ENTPD5: variants seen among roughly 807,000 people sequenced by gnomAD.
The protein encoded by ENTPD5 is ectonucleoside triphosphate diphosphohydrolase 5 (inactive).
Under a neutral mutation model 60.2 loss-of-function variants are expected in ENTPD5, and 49 were observed. That is an observed-to-expected ratio of 0.81 (90% CI 0.65 to 1.03). The LOEUF (loss-of-function observed/expected upper bound fraction) is 1.03. ENTPD5 is among the 50% of genes least tolerant of loss of function. The probability of loss-of-function intolerance (pLI) is 0.00; values close to 1 mark genes in which losing one functional copy is unlikely to be tolerated. For synonymous variants in ENTPD5, 187 were observed against 185.4 expected, an observed-to-expected ratio of 1.01 and a Z score of -0.07; for missense variants, 480 against 507.6, an observed-to-expected ratio of 0.95 and a Z score of 0.52.
intron 3 of ENTPD5, among the ~76,000 whole-genome samples, chr14:73,992,942 G>A (rs1215260807): frequency 3.9e-5 from 6 of 152,144 alleles, no homozygotes; most frequent in Admixed American, 3.3e-4. Flanking sequence ...GGCGGAGGTT[G>A]CAGTGAGCTG....
At chr14:73,973,194 G>A (rs1220032863) in intron 12 of ENTPD5, among the ~76,000 whole-genome samples, 170 bp from the exon 13 acceptor site, 1 of 152,210 alleles carries the variant, frequency 6.6e-6, no homozygotes, top group Non-Finnish European at 1.5e-5. Flanking sequence ...GCAAACGTCT[G>A]CAGCCTCACC....
At chr14:74,003,440 C>T in intron 3 of ENTPD5, 2 of 1,342,978 alleles carry the variant, frequency 1.5e-6, no homozygotes, top group South Asian at 1.2e-5. Flanking sequence ...GTCTGAAGCA[C>T]AAAAGAAGAA....
intron 3 of ENTPD5, among the ~76,000 whole-genome samples, chr14:73,989,475 A>G (rs1018123858): frequency 3.3e-5 from 5 of 150,430 alleles, no homozygotes; most frequent in Non-Finnish European, 7.4e-5. Context: ...AGGCGGGCGG[A>G]TCACCTGAGG....
chr14:74,001,712 G>A (rs895440085), intron 3 of ENTPD5, among the ~76,000 whole-genome samples: 5 of 140,704 alleles, frequency 3.6e-5, no homozygotes, highest in African/African-American at 1.3e-4. Flanking sequence ...GCCAGGCATG[G>A]TGGTACACAC....
chr14:73,961,499 A>C, downstream of ENTPD5: 3 of 1,614,230 alleles, frequency 1.9e-6, no homozygotes, highest in Non-Finnish European at 2.5e-6. Context: ...CAGGGTGTCA[A>C]CATGGGCTTT....
chr14:74,008,049 G>A (rs1288903060), intron 3 of ENTPD5, among the ~76,000 whole-genome samples: 8 of 151,846 alleles, frequency 5.3e-5, no homozygotes, highest in African/African-American at 1.9e-4. Context: ...GGCCACACTG[G>A]TTTTGAACTC....
chr14:73,988,004 G>C lies in ENTPD5; in HGVS notation c.99C>G (p.Ile33Met). 1 of 1,614,174 alleles carries C rather than the reference G, an allele frequency of 6.2e-7. No homozygotes were observed. The highest frequency in any genetic ancestry group is 8.5e-7 in the Non-Finnish European group (1 of 1,180,042). ...HRNQQTWFEGIFLSSMCPINV... is the reference protein window; with the variant it reads ...HRNQQTWFEGMFLSSMCPINV... ...TGATGGGGCACATGGAAGACAGGAAGATACCCTCAAACCAAGTCTGCTGGT... is the reference window on the plus strand; with the variant it reads ...TGATGGGGCACATGGAAGACAGGAACATACCCTCAAACCAAGTCTGCTGGT... Residue 33 changes from isoleucine to methionine, a missense_variant, in exon 4 of 16, where the codon ATC becomes ATG. Physicochemically the swap from Ile to Met is conservative, Grantham distance 10. Transcript: ENST00000334696.
At chr14:73,976,444 C>G (rs56856120) in intron 8 of ENTPD5, 32 bp from the exon 9 acceptor site, 1 of 1,575,552 alleles carries the variant, frequency 6.3e-7, no homozygotes, top group Non-Finnish European at 8.7e-7. Flanking sequence ...TAAATAGCCT[C>G]GACATCCTGG....
chr14:73,996,600 G>T (rs2058350802), intron 3 of ENTPD5: 1 of 151,786 alleles, frequency 6.6e-6, no homozygotes, highest in African/African-American at 2.4e-5. Context: ...CACTGTGCTA[G>T]ATTCTTGATA....
chr14:74,010,364 G>A (rs1450966292), intron 3 of ENTPD5, among the ~76,000 whole-genome samples: 1 of 152,142 alleles, frequency 6.6e-6, no homozygotes, highest in Non-Finnish European at 1.5e-5. Flanking sequence ...AGACCAGCCT[G>A]ACCAACATGG....
intron 3 of ENTPD5, among the ~76,000 whole-genome samples, chr14:73,993,570 C>T (rs2058224044): frequency 1.3e-5 from 2 of 152,214 alleles, no homozygotes; most frequent in South Asian, 2.1e-4. Context: ...GCCAGGTTCA[C>T]ACTCTGGCTG....
At chr14:73,959,696 A>C (rs1322621145), downstream of ENTPD5, 31 of 1,292,046 alleles carry the variant, frequency 2.4e-5, no homozygotes, top group Non-Finnish European at 3.2e-5. Context: ...CAGCCTCCTA[A>C]GTAGCTGGGA....
chr14:74,000,702 C>T (rs1232601827), intron 3 of ENTPD5, among the ~76,000 whole-genome samples: 3 of 151,576 alleles, frequency 2.0e-5, no homozygotes, highest in Non-Finnish European at 2.9e-5. Flanking sequence ...TTGCTTGAAC[C>T]TGGGAGGCGA....
chr14:74,001,339 A>G (rs2058499360), intron 3 of ENTPD5, among the ~76,000 whole-genome samples: 1 of 152,024 alleles, frequency 6.6e-6, no homozygotes, highest in Non-Finnish European at 1.5e-5. Context: ...CGTCTCTACT[A>G]AAAATACAAA....
At chr14:73,969,927 C>T in intron 15 of ENTPD5, 83 bp downstream of exon 15, 2 of 965,392 alleles carry the variant, frequency 2.1e-6, no homozygotes, top group South Asian at 1.3e-5. Flanking sequence ...CTTCTAGCTA[C>T]TCTGATTACT....
In ENTPD5 at chr14:73,965,459, T is replaced by C. The variant is rs7156320; in HGVS notation, c.*1469A>G. 0.38 allele frequency: 57,415 copies of C among 152,098 alleles called. 12,668 individuals carry two copies. The highest frequency in any genetic ancestry group is 0.49 in the South Asian group (2,376 of 4,814). 9.4% of individuals were successfully genotyped at this position (152,098 alleles called of 1,614,324 possible). On this transcript the variant is annotated 3_prime_UTR_variant, in exon 16 of 16. Coordinates refer to ENST00000334696, the MANE Select transcript of ENTPD5 (RefSeq NM_001249.5). ...AAGTGCAAGATAAGGCCAGGCGCGG[T>C]GTCTCATGCCTGTAATCCCAGCACT...
chr14:73,974,365 A>G (rs2057350594), intron 11 of ENTPD5, among the ~76,000 whole-genome samples: 1 of 152,204 alleles, frequency 6.6e-6, no homozygotes, highest in Non-Finnish European at 1.5e-5. Context: ...ATACTTGAAG[A>G]TGTTTTGTAT....
chr14:73,983,100 C>T lies in ENTPD5; in HGVS notation c.359G>A (p.Trp120Ter). The stretch of plus-strand genomic sequence containing the variant: ...CTTTAGGACCACTGGGGTCTTTTTC[C>T]AGTGACTTCGGGGGATTGAGTCTTT... ...VAKDSIPRSH[W>*]KKTPVVLKAT... is the part of the protein sequence containing the mutation. Residue 120 changes from tryptophan (W) to a stop codon, truncating the protein, a stop_gained, in exon 6 of 16, where the codon TGG becomes TAG. Coordinates refer to ENST00000334696, the MANE Select transcript of ENTPD5 (RefSeq NM_001249.5). LOFTEE classifies it high-confidence loss of function. 1 of 1,614,150 alleles carries T rather than the reference C, an allele frequency of 6.2e-7. No individual in the cohort carries two copies. The highest frequency in any genetic ancestry group is 8.5e-7 in the Non-Finnish European group (1 of 1,180,006).
At position 73,966,092 on chromosome 14, in the gene ENTPD5, A is replaced by G. The variant is rs1438437716; in HGVS notation, c.*836T>C. The G allele has an allele frequency of 1.3e-5, 2 of 152,252 alleles. No individual in the cohort carries two copies. The highest frequency in any genetic ancestry group is 2.9e-5 in the Non-Finnish European group (2 of 68,054). The allele number at this position is 152,252 out of a possible 1,614,324, so 9.4% of individuals were successfully genotyped here. On this transcript the variant is annotated 3_prime_UTR_variant, in exon 16 of 16. Transcript: ENST00000334696. ...TAGGGCCTAGTTGTATTTCTTAGAA[A>G]TACAAAGAAAACAAGTTTAGAATCA...
Sources: gnomAD v4.1 joint callset for allele counts (sites outside exome capture counted in the v4.1 genomes callset) on GRCh38, gnomAD v4.1.1 for gene constraint, MANE v1.5 for transcripts, NCBI Gene and HGNC (gene_info 2026-07-23, HGNC 2026-07-21) for gene names.